COL24A1: variants seen among roughly 807,000 people sequenced by gnomAD.
COL24A1 encodes collagen type XXIV alpha 1 chain.
COL24A1 carries 224 observed loss-of-function variants against 253.9 expected under a neutral mutation model. The observed-to-expected ratio is 0.88, with a 90% CI of 0.79 to 0.99. The LOEUF is 0.99. Ranked by LOEUF, COL24A1 falls within the 50% of genes least tolerant of loss-of-function variation. The pLI is 0.00. For missense variants in COL24A1, 2,131 were observed against 2,068.5 expected (o/e 1.03, Z -0.59); for synonymous variants, 685 against 673.7 (o/e 1.02, Z -0.26).
chr1:86,040,363 G>A (rs1205083516), intron 12 of COL24A1, among the ~76,000 whole-genome samples: 2 of 150,778 alleles, frequency 1.3e-5, no homozygotes, highest in Admixed American at 6.6e-5. Context: ...TGTGCACAAT[G>A]TGCAGGTTAG....
intron 22 of COL24A1, among the ~76,000 whole-genome samples, chr1:85,969,926 T>C (rs548202527): frequency 1.3e-5 from 2 of 152,252 alleles, no homozygotes; most frequent in African/African-American, 4.8e-5. Flanking sequence ...AGAATATTAC[T>C]AAAATGGCTA....
At chr1:86,063,862 C>T in intron 7 of COL24A1, 103 bp from the exon 8 acceptor site, 1 of 540,742 alleles carries the variant, frequency 1.8e-6, no homozygotes. Flanking sequence ...TTTTGGTTGC[C>T]TCATCAATAC....
chr1:85,996,412 A>G (rs1694792275), intron 19 of COL24A1, among the ~76,000 whole-genome samples: 1 of 151,976 alleles, frequency 6.6e-6, no homozygotes, highest in South Asian at 2.1e-4. Flanking sequence ...ACGGTGGCTC[A>G]CACCTGTAAT....
At chr1:85,866,848 C>T (rs1027328213) in intron 37 of COL24A1, among the ~76,000 whole-genome samples, 3 of 152,112 alleles carry the variant, frequency 2.0e-5, no homozygotes, top group Non-Finnish European at 4.4e-5. Context: ...GAACACCCAT[C>T]ACAGTTCTCC....
At chr1:85,848,204 T>C (rs1677355656) in intron 38 of COL24A1, among the ~76,000 whole-genome samples, 1 of 152,218 alleles carries the variant, frequency 6.6e-6, no homozygotes, top group Non-Finnish European at 1.5e-5. Flanking sequence ...CATCACTCAT[T>C]GGCTTGGAGT....
At position 85,772,929 on chromosome 1, in the gene COL24A1, G is replaced by C. The variant is rs1252058944; in HGVS notation, c.4374+2745C>G. On this transcript the variant is annotated intron_variant, in intron 53 of 59. Coordinates refer to ENST00000370571, the MANE Select transcript of COL24A1 (RefSeq NM_152890.7). ...TTGTCATTGCTTTTGGTGTTTCAGA[G>C]ATGAAGTCTTTGCCCATGCCTATGT... Among the ~76,000 whole-genome samples the C allele has an allele frequency of 2.0e-5, 3 of 152,142 alleles. No homozygotes were observed. The East Asian group carries it at 5.8e-4, about 29-fold the overall frequency.
At chr1:85,824,714 A>G (rs1674034514) in intron 43 of COL24A1, among the ~76,000 whole-genome samples, 2 of 152,142 alleles carry the variant, frequency 1.3e-5, no homozygotes, top group Admixed American at 1.3e-4. Context: ...ACAACCCAGA[A>G]GCGTGTCAGA....
At chr1:85,973,077 C>G (rs904119774) in intron 20 of COL24A1, among the ~76,000 whole-genome samples, 5 of 152,180 alleles carry the variant, frequency 3.3e-5, no homozygotes, top group African/African-American at 1.2e-4. Flanking sequence ...ATATCTGAAA[C>G]TGCTCTTTCA....
chr1:85,999,591 G>A (rs1571543262), intron 19 of COL24A1, among the ~76,000 whole-genome samples: 1 of 151,798 alleles, frequency 6.6e-6, no homozygotes, highest in Non-Finnish European at 1.5e-5. Context: ...ACTCTAGCCT[G>A]GGTGGGCAAC....
intron 47 of COL24A1, among the ~76,000 whole-genome samples, chr1:85,800,891 C>T (rs1021915434): frequency 6.6e-6 from 1 of 152,034 alleles, no homozygotes; most frequent in Admixed American, 6.6e-5. Context: ...TGGCCTTTCA[C>T]CAAAACTCAA....
chr1:85,955,106 C>G (rs2100616340), intron 24 of COL24A1, among the ~76,000 whole-genome samples: 1 of 152,310 alleles, frequency 6.6e-6, no homozygotes, highest in East Asian at 1.9e-4. Flanking sequence ...GATACAGACA[C>G]AGACACAAAT....
At chr1:86,075,043 AGAAGAACT>A (rs1702150190) in intron 7 of COL24A1, among the ~76,000 whole-genome samples, 1 of 152,162 alleles carries the variant, frequency 6.6e-6, no homozygotes, top group African/African-American at 2.4e-5. Context: ...CTAAGATCAG[AGAAGAACT>A]GAAGGAGATA....
chr1:85,951,399 T>A (rs1689913725), intron 24 of COL24A1, among the ~76,000 whole-genome samples: 1 of 152,082 alleles, frequency 6.6e-6, no homozygotes, highest in Admixed American at 6.6e-5. Flanking sequence ...TTAAGATGGA[T>A]CTTGAAAGTT....
chr1:85,796,188 G>A (rs184363339), intron 47 of COL24A1, among the ~76,000 whole-genome samples: 357 of 152,236 alleles, frequency 2.3e-3, no homozygotes, highest in South Asian at 6.2e-3. Flanking sequence ...GAGGCAGGTC[G>A]TAAGGTAGTG....
At chr1:85,735,692 C>G (rs550287962) in intron 58 of COL24A1, among the ~76,000 whole-genome samples, 52 of 152,104 alleles carry the variant, frequency 3.4e-4, no homozygotes, top group South Asian at 1.5e-3. Context: ...CTTAAGAAGA[C>G]TGACTGCACG....
At chr1:86,151,460 AC>A (rs1652766263) in intron 1 of COL24A1, among the ~76,000 whole-genome samples, 1 of 152,152 alleles carries the variant, frequency 6.6e-6, no homozygotes, top group African/African-American at 2.4e-5. Flanking sequence ...AAAAAATATA[AC>A]CCAAGATATT....
intron 12 of COL24A1, among the ~76,000 whole-genome samples, chr1:86,037,492 G>A (rs903610381): frequency 1.3e-5 from 2 of 152,188 alleles, no homozygotes; most frequent in Non-Finnish European, 2.9e-5. Context: ...TATAGGACCT[G>A]AGAGTGGCCC....
chr1:85,876,991 T>C (rs1681247271), intron 33 of COL24A1, 131 bp downstream of exon 33: 2 of 561,526 alleles, frequency 3.6e-6, no homozygotes. Flanking sequence ...AATGGAATTT[T>C]AGTTTTTTTC....
intron 43 of COL24A1, among the ~76,000 whole-genome samples, chr1:85,823,952 C>A (rs895199096): frequency 1.2e-4 from 18 of 150,564 alleles, no homozygotes; most frequent in South Asian, 2.1e-4. Flanking sequence ...TTCTTTCTTT[C>A]TTTTTTTTTA....
Sources: gnomAD v4.1 joint callset for allele counts (sites outside exome capture counted in the v4.1 genomes callset) on GRCh38, gnomAD v4.1.1 for gene constraint, MANE v1.5 for transcripts, NCBI Gene and HGNC (gene_info 2026-07-23, HGNC 2026-07-21) for gene names.